The following NCALD variants were observed in gnomAD, a reference collection of about 807,000 sequenced individuals.
NCALD encodes neurocalcin-delta.
A neutral mutation model predicts 18.6 loss-of-function variants in NCALD; 10 were observed. That is an observed-to-expected ratio of 0.54 (90% CI 0.33 to 0.91). NCALD has a LOEUF of 0.91. Ranked by LOEUF, NCALD falls within the 40% of genes least tolerant of loss-of-function variation. NCALD has a pLI of 0.03. For missense variants in NCALD, 184 were observed against 247.6 expected, an observed-to-expected ratio of 0.74 and a Z score of 1.72; for synonymous variants, 88 against 87.4, an observed-to-expected ratio of 1.01 and a Z score of -0.04.
At chr8:101,943,631 T>G (rs551032680) in intron 2 of NCALD, among the ~76,000 whole-genome samples, 2 of 152,094 alleles carry the variant, frequency 1.3e-5, no homozygotes, top group Admixed American at 1.3e-4. Flanking sequence ...GCACATTTGG[T>G]GAATCTAATT....
chr8:101,916,203 G>A (rs1029935753), intron 2 of NCALD, among the ~76,000 whole-genome samples: 1 of 152,094 alleles, frequency 6.6e-6, no homozygotes, highest in Non-Finnish European at 1.5e-5. Flanking sequence ...TTCAGAGCAA[G>A]CACCAGATGA....
At chr8:102,010,780 T>C (rs1821877807) in intron 2 of NCALD, among the ~76,000 whole-genome samples, 1 of 152,216 alleles carries the variant, frequency 6.6e-6, no homozygotes, top group African/African-American at 2.4e-5. Context: ...TAATGAACAA[T>C]TATCAGGTGA....
At chr8:102,069,894 C>T (rs1471834671) in intron 1 of NCALD, 1 of 152,072 alleles carries the variant, frequency 6.6e-6, no homozygotes, top group Non-Finnish European at 1.5e-5. Context: ...GCAGGCAGGT[C>T]GCTTGAGGCC....
intron 2 of NCALD, among the ~76,000 whole-genome samples, chr8:101,926,791 A>G (rs530890908): frequency 2.6e-5 from 4 of 152,286 alleles, no homozygotes; most frequent in African/African-American, 9.6e-5. Flanking sequence ...GGTTAGGGAT[A>G]AGGAGGTGGT....
intron 1 of NCALD, among the ~76,000 whole-genome samples, chr8:102,034,813 G>A (rs541978954): frequency 3.9e-5 from 6 of 152,262 alleles, no homozygotes; most frequent in South Asian, 2.1e-4. Flanking sequence ...TGTCTTAAAC[G>A]TACGCGTCCC....
At chr8:102,121,566 G>A (rs1825945889) in intron 1 of NCALD, among the ~76,000 whole-genome samples, 1 of 152,188 alleles carries the variant, frequency 6.6e-6, no homozygotes, top group Non-Finnish European at 1.5e-5. Flanking sequence ...TAAAACCCAT[G>A]TGTGTTATAA....
At chr8:101,778,026 T>C (rs972196423) in intron 1 of NCALD, among the ~76,000 whole-genome samples, 1 of 152,200 alleles carries the variant, frequency 6.6e-6, no homozygotes, top group East Asian at 1.9e-4. Context: ...AAAAAGACTA[T>C]GAAGAATGTT....
chr8:101,812,352 G>A (rs1563793006), intron 4 of NCALD, among the ~76,000 whole-genome samples: 3 of 152,074 alleles, frequency 2.0e-5, no homozygotes, highest in Non-Finnish European at 4.4e-5. Context: ...AAAATGAGAT[G>A]TTCAGTTATT....
chr8:102,110,422 C>T (rs181274897), intron 1 of NCALD, among the ~76,000 whole-genome samples: 1 of 152,206 alleles, frequency 6.6e-6, no homozygotes, highest in Admixed American at 6.5e-5. Context: ...TTCTGCCTGT[C>T]GTTTTGCTGT....
Position 101,896,567 on chromosome 8 carries a change from A to T in NCALD, c.-106-9340T>A, listed in dbSNP as rs568571364. On this transcript the variant is annotated intron_variant, in intron 3 of 6. Coordinates refer to the NCALD transcript ENST00000311028. The stretch of plus-strand genomic sequence containing the variant: ...GCACAGCAAAAGAAACTACCATCAG[A>T]GTAAACAGGCAACCTACAAAATGGG... Among the ~76,000 whole-genome samples the T allele has an allele frequency of 3.9e-4, 60 of 152,094 alleles. No individual in the cohort carries two copies. The East Asian group carries it at 9.3e-3, about 23-fold the overall frequency.
At chr8:101,868,671 C>T (rs1815878281) in intron 4 of NCALD, among the ~76,000 whole-genome samples, 1 of 152,132 alleles carries the variant, frequency 6.6e-6, no homozygotes, top group African/African-American at 2.4e-5. Flanking sequence ...GAAGCACAGA[C>T]CAAAAACAAG....
intron 1 of NCALD, among the ~76,000 whole-genome samples, chr8:102,066,551 A>G (rs1824014645): frequency 6.6e-6 from 1 of 152,226 alleles, no homozygotes; most frequent in East Asian, 1.9e-4. Context: ...ATAGCTATTT[A>G]GTGACCATTG....
chr8:101,804,211 A>G (rs1812974685), intron 4 of NCALD, among the ~76,000 whole-genome samples: 1 of 150,888 alleles, frequency 6.6e-6, no homozygotes, highest in South Asian at 2.1e-4. Flanking sequence ...TTTTCTAAAA[A>G]TTAGCAATTT....
At chr8:102,102,402 C>T (rs533164631) in intron 1 of NCALD, among the ~76,000 whole-genome samples, 3 of 152,324 alleles carry the variant, frequency 2.0e-5, no homozygotes, top group Admixed American at 1.3e-4. Context: ...ACATTTTGTG[C>T]CCTAATACCC....
At chr8:102,092,992 T>A (rs1824973522) in intron 1 of NCALD, among the ~76,000 whole-genome samples, 2 of 152,142 alleles carry the variant, frequency 1.3e-5, no homozygotes, top group African/African-American at 2.4e-5. Context: ...CTTTGCACAT[T>A]GCCAGATATT....
intron 1 of NCALD, among the ~76,000 whole-genome samples, chr8:101,735,969 T>C (rs150912611): frequency 1.3e-5 from 2 of 152,340 alleles, no homozygotes; most frequent in Admixed American, 6.5e-5. Context: ...GCTTGACTGC[T>C]CACAGCTTTT....
In NCALD at chr8:101,719,352, G is replaced by A; in HGVS notation, c.278C>T (p.Ser93Leu). Residue 93 changes from serine to leucine, a missense_variant, in exon 2 of 4, where the codon TCG becomes TTG. Ser to Leu is a moderately radical substitution (Grantham distance 145). Coordinates refer to ENST00000220931, the MANE Select transcript of NCALD (RefSeq NM_032041.3). ...CAGCTTCTGCTCCAGCTTCCCCCTCGAAGTTACACTCAAGGCGATGATGAA... is the reference window on the plus strand; with the variant it reads ...CAGCTTCTGCTCCAGCTTCCCCCTCAAAGTTACACTCAAGGCGATGATGAA... Reference protein sequence around the residue: ...REFIIALSVTSRGKLEQKLKW... With the variant: ...REFIIALSVTLRGKLEQKLKW... 6.2e-7 allele frequency: 1 copy of A among 1,614,146 alleles called. No individual in the cohort carries two copies. The highest frequency in any genetic ancestry group is 8.5e-7 in the Non-Finnish European group (1 of 1,180,028).
At chr8:102,006,870 GTATGCCT>G (rs1456693898) in intron 2 of NCALD, among the ~76,000 whole-genome samples, 1 of 152,178 alleles carries the variant, frequency 6.6e-6, no homozygotes. Context: ...TCTCTCCAGA[GTATGCCT>G]TATGTGTCCT....
At chr8:101,726,876 A>G (rs540315138) in intron 1 of NCALD, among the ~76,000 whole-genome samples, 9 of 152,332 alleles carry the variant, frequency 5.9e-5, no homozygotes, top group African/African-American at 2.2e-4. Context: ...ACCAGATGAC[A>G]GCACCAAAGA....
Sources: gnomAD v4.1 joint callset for allele counts (sites outside exome capture counted in the v4.1 genomes callset) on GRCh38, gnomAD v4.1.1 for gene constraint, MANE v1.5 for transcripts, NCBI Gene and HGNC (gene_info 2026-07-23, HGNC 2026-07-21) for gene names.